LTBR: variants seen among roughly 807,000 people sequenced by gnomAD.
The protein encoded by LTBR is lymphotoxin beta receptor, also known as tumor necrosis factor receptor superfamily member 3.
A neutral mutation model predicts 45.4 loss-of-function variants in LTBR; 15 were observed. The ratio of observed to expected loss-of-function variants is 0.33; its 90% CI spans 0.22 to 0.51. LTBR has a LOEUF of 0.51. Among genes scored for constraint, LTBR ranks in the 20% least tolerant of loss-of-function variants. The probability of loss-of-function intolerance (pLI) is 0.97; values close to 1 mark genes in which losing one functional copy is unlikely to be tolerated. For missense variants in LTBR, 450 were observed against 565.5 expected, an observed-to-expected ratio of 0.80 and a Z score of 2.07; for synonymous variants, 228 against 231.0, an observed-to-expected ratio of 0.99 and a Z score of 0.12.
At position 6,375,452 on chromosome 12, in the gene LTBR, G is replaced by A. The variant is rs72645134; in HGVS notation, c.-104G>A. The stretch of plus-strand genomic sequence containing the variant: ...CCACTCCCAGGTTGCGGCTGGACTG[G>A]GACTGGTTCCTTTCCAGTTGAATCT... On this transcript the variant is annotated 5_prime_UTR_variant, in exon 1 of 10. Transcript: ENST00000539925. 3 of 1,535,274 alleles carry A rather than the reference G, an allele frequency of 2.0e-6. No homozygotes were observed. The African/African-American group carries it at 4.1e-5, about 21-fold the overall frequency.
chr12:6,383,585 CT>C (rs1949004768), upstream of LTBR, among the ~76,000 whole-genome samples: 1 of 152,186 alleles, frequency 6.6e-6, no homozygotes, highest in Non-Finnish European at 1.5e-5. Context: ...GCAGGGCAAG[CT>C]GCACAGCTCT....
At chr12:6,377,805 A>G in intron 1 of LTBR, 2 of 520,248 alleles carry the variant, frequency 3.8e-6, no homozygotes, top group South Asian at 3.1e-5. Context: ...GCAGCATGGC[A>G]AATAGTTTTC....
chr12:6,376,174 C>T, intron 1 of LTBR: 1 of 985,832 alleles, frequency 1.0e-6, no homozygotes, highest in South Asian at 4.7e-5. Context: ...CCTCCCCGCT[C>T]ACTAAGTGGG....
chr12:6,377,330 T>C (rs1192376849), intron 1 of LTBR: 3 of 1,398,892 alleles, frequency 2.1e-6, no homozygotes, highest in Non-Finnish European at 3.0e-6. Flanking sequence ...AAACTGACCC[T>C]TCCCAAGGAT....
At chr12:6,383,657 G>A (rs371067647), upstream of LTBR, among the ~76,000 whole-genome samples, 1 of 152,140 alleles carries the variant, frequency 6.6e-6, no homozygotes. Flanking sequence ...TTGGTAGCGT[G>A]GGGGGCTGGC....
At chr12:6,377,510 G>A (rs1948931318) in intron 1 of LTBR, among the ~76,000 whole-genome samples, 1 of 152,158 alleles carries the variant, frequency 6.6e-6, no homozygotes, top group South Asian at 2.1e-4. Context: ...AGCCGGGAAG[G>A]CCTCCCTCAC....
At chr12:6,389,963 AAGAAAGAGAGAGAG>A (rs1013405060) in intron 8 of LTBR, 135 bp from the exon 9 acceptor site, 94 of 638,008 alleles carry the variant, frequency 1.5e-4, no homozygotes, top group Middle Eastern at 8.3e-4. Flanking sequence ...TCTGGAAAGA[AAGAAAGAGAGAGAG>A]AGAAAGAGAG....
intron 6 of LTBR, chr12:6,387,902 C>A: frequency 4.4e-6 from 2 of 453,506 alleles, no homozygotes; most frequent in South Asian, 3.1e-5. Context: ...CCTGTAAACA[C>A]CCCCACAGGT....
At chr12:6,384,529 G>C in intron 1 of LTBR, 59 bp from the exon 2 acceptor site, 1 of 1,606,570 alleles carries the variant, frequency 6.2e-7, no homozygotes, top group Non-Finnish European at 8.5e-7. Flanking sequence ...CATTCCCTCT[G>C]CCCTCCCAAG....
In LTBR at chr12:6,386,737, A is replaced by G. The variant is rs1431403795; in HGVS notation, c.667+293A>G. On this transcript the variant is annotated intron_variant, in intron 6 of 9. Coordinates refer to ENST00000228918, the MANE Select transcript of LTBR (RefSeq NM_002342.3). The surrounding 1 kb of genome is among the most constrained non-coding windows in gnomAD (Gnocchi z 4.1). ...TCATCATTTTGGGCTTACCAACATT[A>G]CACAATCCGTTTTTTTTTTTCACAC... 2.7e-5 allele frequency: 9 copies of G among 337,460 alleles called. No individual in the cohort carries two copies. The Admixed American group carries it at 3.8e-4, about 14-fold the overall frequency. 20.9% of individuals were successfully genotyped at this position (337,460 alleles called of 1,614,324 possible).
In LTBR at chr12:6,388,938, A is replaced by C; in HGVS notation, c.801+113A>C. ...GACTCCACACTCATTCATTCATTCA[A>C]CTGATGATTTACTGAACATGCCACG... On this transcript the variant is annotated intron_variant, in intron 8 of 9. Transcript: ENST00000228918. This position sits in a 1 kb window ranked among gnomAD's most constrained non-coding sequence, Gnocchi z 4.3. 7.5e-7 allele frequency: 1 copy of C among 1,337,078 alleles called. No homozygotes were observed. Among genetic ancestry groups the C allele is most frequent in the Middle Eastern group, 1.9e-4 (1 of 5,400 alleles). The allele number at this position is 1,337,078 out of a possible 1,614,324, so 82.8% of individuals were successfully genotyped here.
upstream of LTBR, among the ~76,000 whole-genome samples, chr12:6,382,001 A>C (rs1302165815): frequency 6.6e-6 from 1 of 152,180 alleles, no homozygotes; most frequent in Non-Finnish European, 1.5e-5. Flanking sequence ...AGAGAAGAGA[A>C]GAGGTGTTCT....
chr12:6,380,029 AT>A, upstream of LTBR, among the ~76,000 whole-genome samples: 1 of 151,950 alleles, frequency 6.6e-6, no homozygotes, highest in South Asian at 2.1e-4. Flanking sequence ...CCTTGGCACT[AT>A]TGACATTTTC....
chr12:6,375,236 T>A, upstream of LTBR: 3 of 1,437,404 alleles, frequency 2.1e-6, no homozygotes, highest in Non-Finnish European at 2.7e-6. Flanking sequence ...TCTTTGGGTC[T>A]CTCCTGCTCT....
At chr12:6,377,550 T>A (rs1231906196) in intron 1 of LTBR, 1 of 847,258 alleles carries the variant, frequency 1.2e-6, no homozygotes, top group African/African-American at 1.7e-5. Context: ...ATTCGTCTGC[T>A]CTCTGGGTGC....
chr12:6,375,227 CTTTGGGTCTCTCCTGCTCTCCTCTTTCT>C (rs1948883079), upstream of LTBR: 5 of 1,441,686 alleles, frequency 3.5e-6, no homozygotes, highest in Admixed American at 1.4e-4. Flanking sequence ...TTCTGTTTCT[CTTTGGGTCTCTCCTGCTCTCCTCTTTCT>C]GGCCTGCCTC....
Position 6,390,227 on chromosome 12 carries a change from C to A in LTBR, c.917C>A (p.Thr306Asn). The A allele has an allele frequency of 6.2e-7, 1 of 1,614,088 alleles. No individual in the cohort carries two copies. The highest frequency in any genetic ancestry group is 8.5e-7 in the Non-Finnish European group (1 of 1,179,982). The change falls in exon 9 of 10, where the codon ACT becomes AAT. Residue 306 changes from threonine to asparagine, a missense_variant. Coordinates refer to ENST00000228918, the MANE Select transcript of LTBR (RefSeq NM_002342.3). The stretch of plus-strand genomic sequence containing the variant: ...TCTGGAGATGTTTCCCCAGTATCCA[C>A]TGGGCTCCCCGCAGCCCCAGTTTTG... ...PISGDVSPVS[T>N]GLPAAPVLEA...
upstream of LTBR, chr12:6,384,035 T>C: frequency 8.4e-7 from 1 of 1,187,834 alleles, no homozygotes; most frequent in Non-Finnish European, 1.0e-6. Context: ...CCTCACGTGC[T>C]TTCCCGGCCG....
At chr12:6,382,526 G>A (rs974472319), upstream of LTBR, among the ~76,000 whole-genome samples, 2 of 152,188 alleles carry the variant, frequency 1.3e-5, no homozygotes, top group African/African-American at 2.4e-5. Flanking sequence ...AGCCCCCAGC[G>A]CTAGGGCCCT....
Sources: allele counts gnomAD v4.1 joint callset (sites outside exome capture counted in the v4.1 genomes callset), GRCh38; gene constraint gnomAD v4.1.1; non-coding constraint Gnocchi (gnomAD v3.1); transcripts MANE v1.5; gene names NCBI Gene and HGNC (gene_info 2026-07-23, HGNC 2026-07-21).